LRP5: variants seen among roughly 807,000 people sequenced by gnomAD.
LRP5 encodes the protein low-density lipoprotein receptor-related protein 5.
A neutral mutation model predicts 154.1 loss-of-function variants in LRP5; 62 were observed. That is an observed-to-expected ratio of 0.40 (90% CI 0.33 to 0.50). LRP5 has a LOEUF of 0.50. Ranked by LOEUF, LRP5 falls within the 20% of genes least tolerant of loss-of-function variation. The pLI, the probability that LRP5 is intolerant of heterozygous loss-of-function variation, is 0.55. For missense variants in LRP5, 1,915 were observed against 2,336.7 expected (o/e 0.82, Z 3.72); for synonymous variants, 966 against 1,011.5 (o/e 0.96, Z 0.85).
chr11:68,419,009 G>A (rs1035294793), intron 13 of LRP5, among the ~76,000 whole-genome samples: 2 of 152,052 alleles, frequency 1.3e-5, no homozygotes, highest in Non-Finnish European at 2.9e-5. Flanking sequence ...ACTTAATTTG[G>A]AAAATGTGCT....
At chr11:68,352,417 T>C (rs1314688882) in intron 2 of LRP5, among the ~76,000 whole-genome samples, 2 of 152,260 alleles carry the variant, frequency 1.3e-5, no homozygotes, top group East Asian at 1.9e-4. Flanking sequence ...GCTGTCGTTA[T>C]AATAAAAATG....
chr11:68,371,300 G>A (rs1473579803), intron 5 of LRP5, among the ~76,000 whole-genome samples: 2 of 152,196 alleles, frequency 1.3e-5, no homozygotes, highest in East Asian at 3.9e-4. Context: ...GGGGATGGGC[G>A]AGAAACGGCT....
At chr11:68,347,589 A>G (rs1291386509) in intron 1 of LRP5, among the ~76,000 whole-genome samples, 2 of 152,222 alleles carry the variant, frequency 1.3e-5, no homozygotes, top group Non-Finnish European at 2.9e-5. Flanking sequence ...AACAGACGTA[A>G]CAGTTGGTAA....
At position 68,448,950 on chromosome 11, in the gene LRP5, A is replaced by T. The variant is rs201603736; in HGVS notation, c.4728A>T (p.Pro1576=). The T allele has an allele frequency of 1.2e-6, 2 of 1,609,996 alleles. No individual in the cohort carries two copies. The highest frequency in any genetic ancestry group is 3.3e-5 in the Admixed American group (2 of 59,770). ...CGGACTCAGACCCCTATCCACCCCCACCCACGCCCCACAGCCAGTACCTGT... is the reference window on the plus strand; with the variant it reads ...CGGACTCAGACCCCTATCCACCCCCTCCCACGCCCCACAGCCAGTACCTGT... The part of the protein sequence containing the change: ...LNSDSDPYPP[P]PTPHSQYLSA... Residue 1576 remains proline (P), a synonymous_variant, in exon 23 of 23, where the codon CCA becomes CCT. Transcript: ENST00000294304.
At chr11:68,348,741 C>A (rs973744340) in intron 2 of LRP5, among the ~76,000 whole-genome samples, 4 of 152,222 alleles carry the variant, frequency 2.6e-5, no homozygotes, top group African/African-American at 9.6e-5. Context: ...TCCAGGAATT[C>A]AAGACCACAC....
chr11:68,393,513 G>GC (rs1401863696), intron 7 of LRP5, among the ~76,000 whole-genome samples: 25 of 152,360 alleles, frequency 1.6e-4, no homozygotes, highest in Admixed American at 1.2e-3. Context: ...AGGTGCTCTG[G>GC]CTCACGCCTG....
chr11:68,327,482 A>G (rs1476080953), intron 1 of LRP5, among the ~76,000 whole-genome samples: 4 of 152,192 alleles, frequency 2.6e-5, no homozygotes, highest in Non-Finnish European at 4.4e-5. Context: ...GTGGTCTTTC[A>G]GTTGCCCCCC....
intron 7 of LRP5, among the ~76,000 whole-genome samples, chr11:68,400,643 G>T (rs971996149): frequency 1.3e-5 from 2 of 152,110 alleles, no homozygotes. Flanking sequence ...CAGGAGAATC[G>T]CTTGAACCTG....
intron 1 of LRP5, among the ~76,000 whole-genome samples, chr11:68,338,463 C>T (rs569333760): frequency 4.6e-5 from 7 of 152,274 alleles, no homozygotes; most frequent in African/African-American, 9.6e-5. Flanking sequence ...GATTCTGCTC[C>T]GGGTAGGACT....
chr11:68,376,782 A>T (rs2098637589), intron 5 of LRP5, among the ~76,000 whole-genome samples: 1 of 152,228 alleles, frequency 6.6e-6, no homozygotes, highest in African/African-American at 2.4e-5. Flanking sequence ...CTTTTAAAGA[A>T]TTAGGCCGCC....
intron 1 of LRP5, among the ~76,000 whole-genome samples, chr11:68,315,567 G>T (rs1251966480): frequency 1.3e-5 from 2 of 152,256 alleles, no homozygotes; most frequent in Non-Finnish European, 2.9e-5. Context: ...TTCCTACCAT[G>T]AATTCAGTGA....
chr11:68,371,150 AG>A (rs1454059598), intron 5 of LRP5, among the ~76,000 whole-genome samples: 1 of 152,110 alleles, frequency 6.6e-6, no homozygotes, highest in East Asian at 1.9e-4. Flanking sequence ...GTGGAAATAG[AG>A]TTTTCTAGAG....
At chr11:68,389,813 C>T in intron 6 of LRP5, 68 bp from the exon 7 acceptor site, 3 of 1,575,006 alleles carry the variant, frequency 1.9e-6, no homozygotes, top group East Asian at 4.5e-5. Flanking sequence ...AGGCCTTGCT[C>T]TTGGCACTGG....
intron 7 of LRP5, among the ~76,000 whole-genome samples, chr11:68,397,227 G>GCCCTGCCCTTCTCCCCTCTA (rs1487716737): frequency 2.0e-5 from 3 of 152,022 alleles, no homozygotes; most frequent in Non-Finnish European, 4.4e-5. Context: ...TCTCCCCTCT[G>GCCCTGCCCTTCTCCCCTCTA]CCCTGCCCTT....
At chr11:68,429,062 G>A (rs113869599) in intron 16 of LRP5, among the ~76,000 whole-genome samples, 13,822 of 144,666 alleles carry the variant, frequency 0.096, 898 homozygotes, top group African/African-American at 0.18. Context: ...ATGCCACTGC[G>A]CTCCAGCCTG....
chr11:68,300,494 T>C, the LRP5 span, among the ~76,000 whole-genome samples: 6 of 149,586 alleles, frequency 4.0e-5, no homozygotes, highest in South Asian at 6.3e-4. Context: ...GACAGCAAAA[T>C]AGATGCCCCT....
the LRP5 span, among the ~76,000 whole-genome samples, chr11:68,305,518 C>T: frequency 9.2e-5 from 14 of 152,306 alleles, no homozygotes; most frequent in Non-Finnish European, 1.6e-4. Context: ...TCTTGGCTCA[C>T]TACAACCTCC....
At chr11:68,329,641 C>T (rs1275742098) in intron 1 of LRP5, among the ~76,000 whole-genome samples, 1 of 152,182 alleles carries the variant, frequency 6.6e-6, no homozygotes, top group South Asian at 2.1e-4. Flanking sequence ...GAGCCACTCT[C>T]CTGGACTCTG....
chr11:68,345,096 C>T (rs1440806706), intron 1 of LRP5, among the ~76,000 whole-genome samples: 1 of 151,414 alleles, frequency 6.6e-6, no homozygotes, highest in Admixed American at 6.6e-5. Flanking sequence ...TTCCTGACTT[C>T]AGGTGATCCA....
Sources: allele counts gnomAD v4.1 joint callset (sites outside exome capture counted in the v4.1 genomes callset), GRCh38; gene constraint gnomAD v4.1.1; transcripts MANE v1.5; gene names NCBI Gene and HGNC (gene_info 2026-07-23, HGNC 2026-07-21).